Variants in SYT1 observed in about 807,000 individuals in gnomAD.
SYT1 encodes synaptotagmin 1.
In SYT1, 8 loss-of-function variants were observed where a neutral mutation model predicts 44.8. The ratio of observed to expected loss-of-function variants is 0.18; its 90% confidence interval spans 0.10 to 0.32. The LOEUF (loss-of-function observed/expected upper bound fraction) is 0.32, where lower values mean the gene tolerates loss of function less well. Ranked by LOEUF, SYT1 falls within the 10% of genes least tolerant of loss-of-function variation. SYT1 has a pLI of 1.00. For synonymous variants in SYT1, 154 were observed against 188.8 expected, an observed-to-expected ratio of 0.82 and a Z score of 1.51; for missense variants, 286 against 509.3, an observed-to-expected ratio of 0.56 and a Z score of 4.22.
At chr12:79,414,725 G>A (rs938589164) in intron 9 of SYT1, among the ~76,000 whole-genome samples, 4 of 152,130 alleles carry the variant, frequency 2.6e-5, no homozygotes, top group Non-Finnish European at 5.9e-5. Flanking sequence ...GGGCAGAAAG[G>A]CACTGACTCT....
At chr12:79,262,885 C>G (rs1877908041) in intron 4 of SYT1, among the ~76,000 whole-genome samples, 1 of 152,012 alleles carries the variant, frequency 6.6e-6, no homozygotes, top group African/African-American at 2.4e-5. Context: ...AACAAATAGG[C>G]AAAAAAGCAG....
intron 3 of SYT1, among the ~76,000 whole-genome samples, chr12:79,115,972 T>A (rs1309489069): frequency 6.6e-6 from 1 of 152,076 alleles, no homozygotes; most frequent in Non-Finnish European, 1.5e-5. Context: ...GCAAACAGAG[T>A]AGATTCTAAT....
At chr12:79,333,696 GA>G (rs5799427) in intron 8 of SYT1, among the ~76,000 whole-genome samples, 16,977 of 151,724 alleles carry the variant, frequency 0.11, 1,413 homozygotes, top group African/African-American at 0.24. Context: ...AAACTAGCAA[GA>G]AAAAAAATAT....
intron 10 of SYT1, among the ~76,000 whole-genome samples, chr12:79,448,060 A>C (rs1429692697): frequency 6.6e-6 from 1 of 152,222 alleles, no homozygotes; most frequent in Non-Finnish European, 1.5e-5. Context: ...ATTACTTAGG[A>C]AGTAGAACTG....
Position 79,209,609 on chromosome 12 carries a change from C to G in SYT1, c.-17-7894C>G, listed in dbSNP as rs143285689. Among the ~76,000 whole-genome samples, 860 of 152,300 alleles carry G rather than the reference C, an allele frequency of 5.6e-3. 7 individuals are homozygous for G. The highest frequency in any genetic ancestry group is 0.01 in the Non-Finnish European group (704 of 68,016). On this transcript the variant is annotated intron_variant, in intron 3 of 10. Transcript: ENST00000261205. ...GGGGGTTTAACCTTCAGCAAGGCAG[C>G]TGCTTTTGGTCAAGGGCAATTTCTC...
chr12:78,972,632 A>C (rs1252926434), intron 1 of SYT1, among the ~76,000 whole-genome samples: 1 of 151,852 alleles, frequency 6.6e-6, no homozygotes, highest in African/African-American at 2.4e-5. Context: ...AATTTATGTC[A>C]CATATGTTCA....
At chr12:79,330,070 A>T (rs1881788290) in intron 8 of SYT1, among the ~76,000 whole-genome samples, 1 of 152,120 alleles carries the variant, frequency 6.6e-6, no homozygotes, top group South Asian at 2.1e-4. Flanking sequence ...CCTCTTAGTC[A>T]ATCTGTTTAA....
Position 79,266,735 on chromosome 12 carries a change from A to G in SYT1, c.167-19052A>G, listed in dbSNP as rs77268132. Among the ~76,000 whole-genome samples the G allele has an allele frequency of 3.7e-4, 56 of 152,338 alleles. No individual in the cohort carries two copies. In the East Asian group the frequency reaches 9.8e-3, roughly 27 times the overall value. The stretch of plus-strand genomic sequence containing the variant: ...CTGCTACACTTTGAAAATTGGACAG[A>G]TAAAATTGCCATGGAGAGAAACTGA... On this transcript the variant is annotated intron_variant, in intron 4 of 10. Coordinates refer to ENST00000261205, the MANE Select transcript of SYT1 (RefSeq NM_005639.3).
Position 78,883,609 on chromosome 12 carries a change from T to A in SYT1, c.-217+18500T>A, listed in dbSNP as rs528499779. On this transcript the variant is annotated intron_variant, in intron 1 of 10. Transcript: ENST00000261205. ...TCATTTTGTCATGGACAATTAAGAG[T>A]GAAGAGATGATGTATAATAATATAT... is the stretch of plus-strand genomic sequence containing the variant. 2.0e-5 allele frequency among the ~76,000 whole-genome samples: 3 copies of A among 151,768 alleles called. No homozygotes were observed. In the South Asian group the frequency reaches 6.2e-4, roughly 31 times the overall value.
chr12:79,374,996 CACAG>C (rs1353771026), intron 9 of SYT1, among the ~76,000 whole-genome samples: 2 of 152,154 alleles, frequency 1.3e-5, no homozygotes, highest in Admixed American at 6.5e-5. Context: ...CAAAAGCAGC[CACAG>C]ACAGTCTGTA....
intron 9 of SYT1, among the ~76,000 whole-genome samples, chr12:79,399,973 T>C (rs1885015205): frequency 6.6e-6 from 1 of 152,216 alleles, no homozygotes; most frequent in Non-Finnish European, 1.5e-5. Context: ...TCTTTAACCA[T>C]ATTCATATAC....
At chr12:78,945,777 G>T (rs979998057) in intron 1 of SYT1, among the ~76,000 whole-genome samples, 1 of 152,100 alleles carries the variant, frequency 6.6e-6, no homozygotes, top group Non-Finnish European at 1.5e-5. Context: ...ATGGACAATT[G>T]TGCCCGGTCC....
intron 4 of SYT1, among the ~76,000 whole-genome samples, chr12:79,249,567 G>T (rs1877074481): frequency 6.6e-6 from 1 of 152,148 alleles, no homozygotes; most frequent in Admixed American, 6.5e-5. Flanking sequence ...AAAGTTATTG[G>T]TTTTTCTTTA....
chr12:79,353,376 A>G (rs1882986456), intron 8 of SYT1, 126 bp from the exon 9 acceptor site: 2 of 710,180 alleles, frequency 2.8e-6, no homozygotes, highest in South Asian at 1.8e-5. Context: ...GTAAATGCCA[A>G]TGGACCTACA....
intron 1 of SYT1, among the ~76,000 whole-genome samples, chr12:78,895,686 A>C (rs1328883737): frequency 6.6e-6 from 1 of 151,808 alleles, no homozygotes; most frequent in Non-Finnish European, 1.5e-5. Flanking sequence ...AAAGTATTTG[A>C]ATAGTGAGAG....
At chr12:79,117,662 C>CATAT (rs57706449) in intron 3 of SYT1, among the ~76,000 whole-genome samples, 795 of 38,838 alleles carry the variant, frequency 0.02, 22 homozygotes, top group Non-Finnish European at 0.027. Flanking sequence ...TGTATTACAT[C>CATAT]ATATATATAT....
chr12:78,963,496 A>G, intron 1 of SYT1, among the ~76,000 whole-genome samples: 1 of 152,168 alleles, frequency 6.6e-6, no homozygotes, highest in Non-Finnish European at 1.5e-5. Flanking sequence ...CAATTTAAAA[A>G]TGGCCTAAAT....
At chr12:79,158,295 C>T (rs1870725044) in intron 3 of SYT1, among the ~76,000 whole-genome samples, 2 of 152,090 alleles carry the variant, frequency 1.3e-5, no homozygotes, top group African/African-American at 4.8e-5. Flanking sequence ...TCATAGGGAG[C>T]ACACAACCCA....
chr12:79,099,424 A>G (rs1233046400), intron 3 of SYT1, among the ~76,000 whole-genome samples: 1 of 152,160 alleles, frequency 6.6e-6, no homozygotes, highest in African/African-American at 2.4e-5. Flanking sequence ...TTTAGAGAGA[A>G]ATAAAAATTA....
Sources: gnomAD v4.1 joint callset for allele counts (sites outside exome capture counted in the v4.1 genomes callset) on GRCh38, gnomAD v4.1.1 for gene constraint, MANE v1.5 for transcripts, NCBI Gene and HGNC (gene_info 2026-07-23, HGNC 2026-07-21) for gene names.